Variants in ELMO1 observed in about 807,000 individuals in gnomAD.
The protein encoded by ELMO1 is engulfment and cell motility 1.
In ELMO1, 26 loss-of-function variants were observed where a neutral mutation model predicts 98.9. The observed-to-expected ratio is 0.26, with a 90% CI of 0.19 to 0.36. ELMO1 has a LOEUF of 0.36. Among genes scored for constraint, ELMO1 ranks in the 10% least tolerant of loss-of-function variants. The pLI, the probability that ELMO1 is intolerant of heterozygous loss-of-function variation, is 1.00. For missense variants in ELMO1, 627 were observed against 935.2 expected (o/e 0.67, Z 4.30); for synonymous variants, 346 against 346.0 (o/e 1.00, Z 0.00).
chr7:36,988,772 A>G (rs1584483183), intron 16 of ELMO1, among the ~76,000 whole-genome samples: 1 of 152,342 alleles, frequency 6.6e-6, no homozygotes, highest in Non-Finnish European at 1.5e-5. Flanking sequence ...ATGTGAATGG[A>G]TCACAGTGAG....
At chr7:37,161,932 A>ATATATATATATATATATG (rs869036714) in intron 13 of ELMO1, among the ~76,000 whole-genome samples, 1 of 114,370 alleles carries the variant, frequency 8.7e-6, no homozygotes, top group Non-Finnish European at 1.9e-5. Context: ...ATATATATAT[A>ATATATATATATATATATG]TATGTTAAGC....
chr7:37,124,459 G>A (rs894700956), intron 14 of ELMO1, among the ~76,000 whole-genome samples: 7 of 152,100 alleles, frequency 4.6e-5, no homozygotes, highest in Admixed American at 6.5e-5. Context: ...AAATCAATGT[G>A]CAAAAATCAC....
chr7:37,138,618 G>T (rs1458698148), intron 13 of ELMO1, among the ~76,000 whole-genome samples: 2 of 152,136 alleles, frequency 1.3e-5, no homozygotes, highest in African/African-American at 4.8e-5. Context: ...GGACCAGATG[G>T]ATTCACAGCT....
rs745428862 is a variant in ELMO1 at position 36,861,712 on chromosome 7, T to G, written c.1930A>C (p.Ile644Leu). Residue 644 changes from isoleucine to leucine, a missense_variant, in exon 21 of 22, where the codon ATC becomes CTC. Coordinates refer to ENST00000310758, the MANE Select transcript of ELMO1 (RefSeq NM_014800.11). ...NKEVLELAFS[I>L]LYDSNCQLNF... The stretch of plus-strand genomic sequence containing the variant: ...AGTTGGCAGTTTGAGTCATACAAGA[T>G]GGAGAAAGCGAGTTCAAGCACCTCC... 2 of 1,610,342 alleles carry G rather than the reference T, an allele frequency of 1.2e-6. No homozygotes were observed. The highest frequency in any genetic ancestry group is 1.7e-6 in the Non-Finnish European group (2 of 1,179,332).
intron 16 of ELMO1, among the ~76,000 whole-genome samples, chr7:36,964,362 C>G (rs968093963): frequency 6.6e-6 from 1 of 152,054 alleles, no homozygotes; most frequent in Non-Finnish European, 1.5e-5. Flanking sequence ...AATCATCTAA[C>G]GTAAAGTATA....
At chr7:37,293,566 G>C (rs1797865369) in intron 4 of ELMO1, among the ~76,000 whole-genome samples, 1 of 112,312 alleles carries the variant, frequency 8.9e-6, no homozygotes, top group Non-Finnish European at 2.0e-5. Context: ...CAAGTACCCA[G>C]GGACACAAAC....
At chr7:37,398,898 C>G (rs1237064784) in intron 1 of ELMO1, among the ~76,000 whole-genome samples, 1 of 152,194 alleles carries the variant, frequency 6.6e-6, no homozygotes, top group Non-Finnish European at 1.5e-5. Flanking sequence ...CAGGCCAAAC[C>G]CAGCTCCATG....
intron 18 of ELMO1, among the ~76,000 whole-genome samples, chr7:36,884,194 G>A (rs1259367533): frequency 6.6e-6 from 1 of 151,920 alleles, no homozygotes. Context: ...ATGGTGGCGG[G>A]TGCCTGTAAT....
At chr7:37,174,386 A>T (rs1213579514) in intron 13 of ELMO1, among the ~76,000 whole-genome samples, 1 of 152,132 alleles carries the variant, frequency 6.6e-6, no homozygotes, top group Non-Finnish European at 1.5e-5. Context: ...GTCTAGTTTA[A>T]TCACCAAAAA....
At chr7:36,993,788 C>T (rs554286200) in intron 16 of ELMO1, among the ~76,000 whole-genome samples, 263 of 152,260 alleles carry the variant, frequency 1.7e-3, no homozygotes, top group African/African-American at 6.0e-3. Context: ...AAAAATGTAT[C>T]CCTACCCCCA....
At chr7:36,927,678 T>G (rs1439605797) in intron 16 of ELMO1, among the ~76,000 whole-genome samples, 6 of 152,218 alleles carry the variant, frequency 3.9e-5, no homozygotes, top group Non-Finnish European at 8.8e-5. Context: ...GCCTTACTTT[T>G]GTGAGACAGT....
At chr7:37,392,992 G>A (rs192319417) in intron 1 of ELMO1, among the ~76,000 whole-genome samples, 1 of 152,096 alleles carries the variant, frequency 6.6e-6, no homozygotes, top group Non-Finnish European at 1.5e-5. Context: ...GTGCCCCTTG[G>A]CTTCACCACC....
chr7:36,943,767 A>G (rs370125683), intron 16 of ELMO1, among the ~76,000 whole-genome samples: 45 of 152,310 alleles, frequency 3.0e-4, no homozygotes, highest in African/African-American at 1.1e-3. Context: ...ACATATTTTC[A>G]TAACAAAAAG....
chr7:37,099,638 G>T (rs563548959), intron 14 of ELMO1, among the ~76,000 whole-genome samples: 2 of 152,014 alleles, frequency 1.3e-5, no homozygotes, highest in Non-Finnish European at 2.9e-5. Flanking sequence ...CTGGATATCC[G>T]TGCAATGTGA....
intron 1 of ELMO1, among the ~76,000 whole-genome samples, chr7:37,389,532 T>C (rs893555526): frequency 6.6e-6 from 1 of 152,228 alleles, no homozygotes; most frequent in Non-Finnish European, 1.5e-5. Flanking sequence ...CTGAAATGTG[T>C]ACACTTCAGT....
chr7:37,271,626 C>T, intron 5 of ELMO1: 1 of 545,822 alleles, frequency 1.8e-6, no homozygotes, highest in Non-Finnish European at 3.2e-6. Flanking sequence ...CAAGCTTGCC[C>T]TTCGCCTGGA....
chr7:36,982,916 C>T (rs2129145021), intron 16 of ELMO1, among the ~76,000 whole-genome samples: 1 of 152,366 alleles, frequency 6.6e-6, no homozygotes, highest in South Asian at 2.1e-4. Flanking sequence ...AATCCTCCCT[C>T]AAACTCTGAC....
intron 13 of ELMO1, among the ~76,000 whole-genome samples, chr7:37,175,196 G>A (rs1015807707): frequency 2.6e-5 from 4 of 152,124 alleles, no homozygotes; most frequent in Non-Finnish European, 5.9e-5. Flanking sequence ...AGAAAAATAG[G>A]TTGGGTAGTT....
In ELMO1 at chr7:36,855,819, G is replaced by C; in HGVS notation, c.1984-68C>G. On this transcript the variant is annotated intron_variant, in intron 21 of 21. Coordinates refer to ENST00000310758, the MANE Select transcript of ELMO1 (RefSeq NM_014800.11). The surrounding 1 kb of genome is among the most constrained non-coding windows in gnomAD (Gnocchi z 4.2). The stretch of plus-strand genomic sequence containing the variant: ...TACAGAAGTATTAATAGTAAAAATA[G>C]CTAACAGTGAATACTCATCCCTCAG... The C allele has an allele frequency of 1.3e-6, 2 of 1,571,978 alleles. No individual in the cohort carries two copies. The highest frequency in any genetic ancestry group is 1.1e-5 in the South Asian group (1 of 89,204).
Sources: allele counts gnomAD v4.1 joint callset (sites outside exome capture counted in the v4.1 genomes callset), GRCh38; gene constraint gnomAD v4.1.1; non-coding constraint Gnocchi (gnomAD v3.1); transcripts MANE v1.5; gene names NCBI Gene and HGNC (gene_info 2026-07-23, HGNC 2026-07-21).